RBPMS: variants seen among roughly 807,000 people sequenced by gnomAD.
RBPMS encodes the protein RNA-binding protein with multiple splicing.
Under a neutral mutation model 26.8 loss-of-function variants are expected in RBPMS, and 7 were observed. The ratio of observed to expected loss-of-function variants is 0.26; its 90% CI spans 0.15 to 0.49. The LOEUF is 0.49. RBPMS is among the 20% of genes least tolerant of loss of function. The pLI is 0.98. For synonymous variants in RBPMS, 96 were observed against 93.3 expected, an observed-to-expected ratio of 1.03 and a Z score of -0.17; for missense variants, 186 against 250.0, an observed-to-expected ratio of 0.74 and a Z score of 1.73.
intron 1 of RBPMS, among the ~76,000 whole-genome samples, chr8:30,449,712 C>A (rs1253607663): frequency 2.0e-5 from 3 of 152,330 alleles, no homozygotes; most frequent in Admixed American, 2.0e-4. Flanking sequence ...AGCACTGTCA[C>A]CTGTACCTCA....
intron 5 of RBPMS, among the ~76,000 whole-genome samples, chr8:30,534,406 A>T (rs2151019983): frequency 6.6e-6 from 1 of 152,372 alleles, no homozygotes; most frequent in East Asian, 1.9e-4. Flanking sequence ...TAAGCACAAA[A>T]TAAATACTTG....
chr8:30,559,979 C>T (rs1018113076), intron 7 of RBPMS, among the ~76,000 whole-genome samples: 2 of 152,194 alleles, frequency 1.3e-5, no homozygotes, highest in Admixed American at 1.3e-4. Context: ...TTTAGATAGA[C>T]TCTTCTGGAG....
intron 6 of RBPMS, among the ~76,000 whole-genome samples, chr8:30,546,042 G>T (rs1825841193): frequency 6.6e-6 from 1 of 152,150 alleles, no homozygotes; most frequent in African/African-American, 2.4e-5. Flanking sequence ...CAGGTAACGG[G>T]GTCGGGATAA....
At chr8:30,474,622 G>A (rs1190755578) in intron 1 of RBPMS, among the ~76,000 whole-genome samples, 157 bp from the exon 2 acceptor site, 1 of 152,182 alleles carries the variant, frequency 6.6e-6, no homozygotes, top group Non-Finnish European at 1.5e-5. Flanking sequence ...TGGCTTAGTG[G>A]CATCTTAACA....
intron 5 of RBPMS, among the ~76,000 whole-genome samples, chr8:30,520,066 CT>C (rs2150983197): frequency 6.6e-6 from 1 of 152,220 alleles, no homozygotes; most frequent in African/African-American, 2.4e-5. Flanking sequence ...CTATTCCATG[CT>C]TGGTGTAAAC....
At chr8:30,545,387 A>G in intron 6 of RBPMS, 1 of 1,133,566 alleles carries the variant, frequency 8.8e-7, no homozygotes, top group Non-Finnish European at 1.1e-6. Context: ...AGTGGTAGTA[A>G]TCAGTGTAAA....
At chr8:30,464,505 G>C (rs148346494) in intron 1 of RBPMS, among the ~76,000 whole-genome samples, 191 of 152,260 alleles carry the variant, frequency 1.3e-3, no homozygotes, top group African/African-American at 4.3e-3. Context: ...AACTGAAGTT[G>C]GCAATGGGAT....
At chr8:30,544,966 T>C in intron 6 of RBPMS, 3 of 1,456,986 alleles carry the variant, frequency 2.1e-6, no homozygotes, top group Non-Finnish European at 2.7e-6. Context: ...GTGCCTTGTG[T>C]GGAAGGGCTG....
In RBPMS at chr8:30,504,436, T is replaced by A; in HGVS notation, c.397T>A (p.Tyr133Asn). The change falls in exon 5 of 9, where the codon TAT (tyrosine) becomes AAT (asparagine). Residue 133 changes from tyrosine (Y) to asparagine (N), a missense_variant and splice_region_variant. Around this residue, in one of 3 missense-constraint regions of RBPMS, gnomAD observed 98 missense variants for 113.6 expected, o/e 0.86. Transcript: ENST00000397323. ...ACCTCAGTTCATTGCCAGAGAGCCA[T>A]GTAAGTCGATCTACTTTTCATTCAA... is the stretch of plus-strand genomic sequence containing the variant. Reference protein sequence around the residue: ...TVPQFIAREPYELTVPALYPS... With the variant: ...TVPQFIAREPNELTVPALYPS... 6.2e-7 allele frequency: 1 copy of A among 1,613,754 alleles called. No individual in the cohort carries two copies. Among genetic ancestry groups the A allele is most frequent in the South Asian group, 1.1e-5 (1 of 91,074 alleles).
intron 6 of RBPMS, 77 bp downstream of exon 6, chr8:30,544,701 A>C: frequency 1.2e-6 from 2 of 1,605,394 alleles, no homozygotes; most frequent in Non-Finnish European, 1.7e-6. Context: ...AGAGCACACC[A>C]TACAACTAAC....
At chr8:30,453,357 T>G (rs1814825354) in intron 1 of RBPMS, among the ~76,000 whole-genome samples, 1 of 152,230 alleles carries the variant, frequency 6.6e-6, no homozygotes. Flanking sequence ...AATATGGATG[T>G]GAATTGCTTT....
chr8:30,494,416 T>C (rs1483602229), intron 4 of RBPMS, among the ~76,000 whole-genome samples: 3 of 152,204 alleles, frequency 2.0e-5, no homozygotes, highest in African/African-American at 7.2e-5. Flanking sequence ...GTTTATCAGA[T>C]GTCAGGCATT....
intron 1 of RBPMS, among the ~76,000 whole-genome samples, chr8:30,453,452 TA>T (rs1329543425): frequency 4.6e-5 from 7 of 151,980 alleles, no homozygotes; most frequent in Non-Finnish European, 7.4e-5. Flanking sequence ...TCTACTTTTC[TA>T]AAAAAAAGAA....
chr8:30,418,917 T>A (rs1810406091), intron 1 of RBPMS, among the ~76,000 whole-genome samples: 1 of 152,162 alleles, frequency 6.6e-6, no homozygotes, highest in African/African-American at 2.4e-5. Flanking sequence ...CTTGGCACTC[T>A]TTATACGTTG....
chr8:30,442,127 A>G (rs996858964), intron 1 of RBPMS, among the ~76,000 whole-genome samples: 1 of 151,976 alleles, frequency 6.6e-6, no homozygotes, highest in Non-Finnish European at 1.5e-5. Flanking sequence ...TAGTCTTGCT[A>G]TGTTGTCCAG....
chr8:30,385,319 C>T (rs1269592550), intron 1 of RBPMS, 161 bp downstream of exon 1: 2 of 468,216 alleles, frequency 4.3e-6, no homozygotes, highest in Non-Finnish European at 7.3e-6. Context: ...ATCTCGGGAG[C>T]GTGTGTTTTT....
At chr8:30,461,002 G>A (rs912470655) in intron 1 of RBPMS, among the ~76,000 whole-genome samples, 1 of 149,202 alleles carries the variant, frequency 6.7e-6, no homozygotes, top group South Asian at 2.1e-4. Flanking sequence ...GTAGTGAGCC[G>A]AGATCACACC....
At chr8:30,486,699 A>G (rs1376064938) in intron 4 of RBPMS, among the ~76,000 whole-genome samples, 2 of 152,182 alleles carry the variant, frequency 1.3e-5, no homozygotes, top group Admixed American at 1.3e-4. Context: ...CGGAAATTTT[A>G]GTAGCATCCT....
intron 1 of RBPMS, among the ~76,000 whole-genome samples, chr8:30,442,400 TTGC>T (rs1396572512): frequency 2.0e-5 from 3 of 152,210 alleles, no homozygotes; most frequent in African/African-American, 7.2e-5. Context: ...TCCTGGAGCC[TTGC>T]AGGTTTTTCT....
Sources: gnomAD v4.1 joint callset for allele counts (sites outside exome capture counted in the v4.1 genomes callset) on GRCh38, gnomAD v4.1.1 for gene constraint, gnomAD v4.1.1 regional missense constraint, MANE v1.5 for transcripts, NCBI Gene and HGNC (gene_info 2026-07-23, HGNC 2026-07-21) for gene names.